Variants in RPS6KC1 observed in about 807,000 individuals in gnomAD.
RPS6KC1 encodes inactive ribosomal protein S6 kinase delta-1.
RPS6KC1 carries 54 observed loss-of-function variants against 103.8 expected under a neutral mutation model. That is an observed-to-expected ratio of 0.52 (90% CI 0.42 to 0.65). The LOEUF (loss-of-function observed/expected upper bound fraction) is 0.65. Among genes scored for constraint, RPS6KC1 ranks in the 30% least tolerant of loss-of-function variants. The pLI is 0.00. For missense variants in RPS6KC1, 1,151 were observed against 1,253.8 expected (o/e 0.92, Z 1.24); for synonymous variants, 439 against 438.7 (o/e 1.00, Z -0.01).
chr1:213,634,488 A>G, the RPS6KC1 span, among the ~76,000 whole-genome samples: 2 of 152,370 alleles, frequency 1.3e-5, no homozygotes, highest in East Asian at 3.9e-4. Flanking sequence ...TATTGGGTAA[A>G]TAATGAAATG....
chr1:213,602,082 T>TTCTTTCTTTCTTTCTTTC, the RPS6KC1 span, among the ~76,000 whole-genome samples: 1 of 36,210 alleles, frequency 2.8e-5, no homozygotes, highest in Non-Finnish European at 4.6e-5. Context: ...TTCTTTCTCT[T>TTCTTTCTTTCTTTCTTTC]TCTTTCTTTC....
chr1:213,066,070 C>T (rs955513646), intron 1 of RPS6KC1, among the ~76,000 whole-genome samples: 1 of 152,138 alleles, frequency 6.6e-6, no homozygotes, highest in East Asian at 1.9e-4. Context: ...TGAAGTGATT[C>T]ATTAATATAA....
chr1:213,161,713 G>T (rs1409777143), intron 6 of RPS6KC1, among the ~76,000 whole-genome samples: 1 of 152,168 alleles, frequency 6.6e-6, no homozygotes, highest in Non-Finnish European at 1.5e-5. Flanking sequence ...TGATTCTGAT[G>T]TATTAATACA....
At chr1:213,669,810 C>G in the RPS6KC1 span, among the ~76,000 whole-genome samples, 1 of 152,144 alleles carries the variant, frequency 6.6e-6, no homozygotes, top group Non-Finnish European at 1.5e-5. Context: ...ATACATGGGA[C>G]AGCCAAGACC....
chr1:213,422,553 AAG>A, the RPS6KC1 span, among the ~76,000 whole-genome samples: 1 of 152,328 alleles, frequency 6.6e-6, no homozygotes, highest in East Asian at 1.9e-4. Flanking sequence ...TTTGTATTCT[AAG>A]GGTTGATTAT....
chr1:213,176,150 CTT>C (rs1260620236), intron 7 of RPS6KC1, among the ~76,000 whole-genome samples: 6 of 152,050 alleles, frequency 3.9e-5, no homozygotes, highest in Non-Finnish European at 5.9e-5. Context: ...ATTAATTTTT[CTT>C]TTTAAAATTT....
chr1:213,590,823 T>C, the RPS6KC1 span, among the ~76,000 whole-genome samples: 42 of 152,280 alleles, frequency 2.8e-4, 3 homozygotes, highest in East Asian at 7.9e-3. Context: ...GGCAGTCCAT[T>C]ACAGTGTCCA....
intron 14 of RPS6KC1, among the ~76,000 whole-genome samples, chr1:213,268,158 A>G (rs1304418454): frequency 6.6e-6 from 1 of 152,054 alleles, no homozygotes; most frequent in Non-Finnish European, 1.5e-5. Context: ...AATTGTTGAA[A>G]GGTAAAAACA....
the RPS6KC1 span, among the ~76,000 whole-genome samples, chr1:213,323,055 C>T: frequency 1.9e-4 from 29 of 151,278 alleles, no homozygotes; most frequent in East Asian, 4.3e-3. Flanking sequence ...TGAGCCACTG[C>T]GCTGGGCCTC....
the RPS6KC1 span, among the ~76,000 whole-genome samples, chr1:213,366,202 T>A: frequency 6.6e-6 from 1 of 152,212 alleles, no homozygotes; most frequent in African/African-American, 2.4e-5. Flanking sequence ...CCTGGCGTAG[T>A]TCCTGACTTG....
At chr1:213,759,266 A>G in the RPS6KC1 span, among the ~76,000 whole-genome samples, 1 of 152,198 alleles carries the variant, frequency 6.6e-6, no homozygotes. Flanking sequence ...AGTTATGAGC[A>G]TTGTTCCTTA....
the RPS6KC1 span, among the ~76,000 whole-genome samples, chr1:213,626,113 A>T: frequency 6.6e-6 from 1 of 152,128 alleles, no homozygotes; most frequent in Non-Finnish European, 1.5e-5. Context: ...CTTTTTAATG[A>T]TCGCCATTCT....
chr1:213,601,356 T>C, the RPS6KC1 span, among the ~76,000 whole-genome samples: 812 of 147,976 alleles, frequency 5.5e-3, 13 homozygotes, highest in African/African-American at 0.019. Flanking sequence ...TAAATATATA[T>C]AAATTTATAA....
intron 6 of RPS6KC1, among the ~76,000 whole-genome samples, chr1:213,141,668 C>CTTTGGGATTGGTTAGCTCTTGTT (rs2087048389): frequency 6.6e-6 from 1 of 151,832 alleles, no homozygotes; most frequent in South Asian, 2.1e-4. Context: ...CTTTTGCTAC[C>CTTTGGGATTGGTTAGCTCTTGTT]TTTGGGATTG....
chr1:213,767,468 C>A, the RPS6KC1 span, among the ~76,000 whole-genome samples: 6 of 152,178 alleles, frequency 3.9e-5, no homozygotes, highest in Non-Finnish European at 8.8e-5. Flanking sequence ...ACCAAGCCTG[C>A]AAACCCAGGT....
intron 8 of RPS6KC1, among the ~76,000 whole-genome samples, chr1:213,215,168 C>T (rs992333277): frequency 5.3e-5 from 8 of 152,124 alleles, no homozygotes; most frequent in African/African-American, 1.9e-4. Context: ...ATAACCAATG[C>T]AGAGAAGTGT....
At chr1:213,328,532 A>ATATATATATC in the RPS6KC1 span, among the ~76,000 whole-genome samples, 4 of 101,556 alleles carry the variant, frequency 3.9e-5, no homozygotes, top group Admixed American at 3.0e-4. Context: ...ATATATATAT[A>ATATATATATC]TATATATATC....
the RPS6KC1 span, among the ~76,000 whole-genome samples, chr1:213,480,994 A>C: frequency 6.6e-6 from 1 of 152,136 alleles, no homozygotes; most frequent in Non-Finnish European, 1.5e-5. Flanking sequence ...ACAGTGACAA[A>C]ATTTTATATA....
chr1:213,830,297 T>A, the RPS6KC1 span, among the ~76,000 whole-genome samples: 1 of 152,234 alleles, frequency 6.6e-6, no homozygotes, highest in Non-Finnish European at 1.5e-5. Flanking sequence ...GTCATGAATA[T>A]GTGAAATAAA....
Sources: gnomAD v4.1 joint callset for allele counts (sites outside exome capture counted in the v4.1 genomes callset) on GRCh38, gnomAD v4.1.1 for gene constraint, MANE v1.5 for transcripts, NCBI Gene and HGNC (gene_info 2026-07-23, HGNC 2026-07-21) for gene names.